SRGN: variants seen among roughly 807,000 people sequenced by gnomAD.
The protein encoded by SRGN is serglycin, also known as hematopoetic proteoglycan core peptide.
In SRGN, 2 loss-of-function variants were observed where a neutral mutation model predicts 9.5. That is an observed-to-expected ratio of 0.21 (90% CI 0.09 to 0.66). The LOEUF (loss-of-function observed/expected upper bound fraction) is 0.66, where lower values mean the gene tolerates loss of function less well. Among genes scored for constraint, SRGN ranks in the 30% least tolerant of loss-of-function variants. SRGN has a pLI of 0.83. For missense variants in SRGN, 170 were observed against 192.4 expected (o/e 0.88, Z 0.69); for synonymous variants, 59 against 72.3 (o/e 0.82, Z 0.93).
chr10:69,091,350 G>T (rs2855024), intron 1 of SRGN, among the ~76,000 whole-genome samples: 1 of 152,036 alleles, frequency 6.6e-6, no homozygotes, highest in Non-Finnish European at 1.5e-5. Flanking sequence ...TTGCTATAAC[G>T]TTTCCCACTG....
rs1331012527 is a variant in SRGN at position 69,104,333 on chromosome 10, A to AT, written c.*219dup. The AT allele has an allele frequency of 6.6e-6, 3 of 456,920 alleles. No individual in the cohort carries two copies. Among genetic ancestry groups the AT allele is most frequent in the African/African-American group, 6.1e-5 (3 of 49,048 alleles). 28.3% of individuals were successfully genotyped at this position (456,920 alleles called of 1,614,324 possible). A position where few individuals can be genotyped will look rare whatever the true frequency, so the allele number is the denominator to read the frequency against. On this transcript the variant is annotated 3_prime_UTR_variant, in exon 3 of 3. Coordinates refer to ENST00000242465, the MANE Select transcript of SRGN (RefSeq NM_002727.4). ...TTTTATTGTTCTTGAAAATACCTGC[A>AT]TTTTTTGGTATCATGTTCAACCAAC...
chr10:69,097,055 C>T (rs200091537), intron 1 of SRGN, 29 bp from the exon 2 acceptor site: 33 of 1,610,042 alleles, frequency 2.0e-5, no homozygotes, highest in African/African-American at 2.7e-5. Context: ...GTAGTAGATA[C>T]TTAGTAACAA....
chr10:69,091,120 T>C (rs1051441207), intron 1 of SRGN, among the ~76,000 whole-genome samples: 26 of 152,160 alleles, frequency 1.7e-4, no homozygotes, highest in East Asian at 1.9e-4. Flanking sequence ...TAGCACCAAT[T>C]ATAGAGGAGA....
intron 1 of SRGN, among the ~76,000 whole-genome samples, chr10:69,094,940 G>A (rs1200674470): frequency 6.7e-6 from 1 of 150,324 alleles, no homozygotes; most frequent in African/African-American, 2.4e-5. Flanking sequence ...AAAAGTTTTT[G>A]CCTACCCGCC....
intron 1 of SRGN, 95 bp from the exon 2 acceptor site, chr10:69,096,989 G>A: frequency 7.4e-7 from 1 of 1,352,532 alleles, no homozygotes; most frequent in South Asian, 1.5e-5. Flanking sequence ...CTGAGACCCT[G>A]TCTCGAAAAA....
Position 69,088,186 on chromosome 10 carries a change from G to A in SRGN, c.29G>A (p.Arg10Gln), listed in dbSNP as rs755568780. 1.8e-5 allele frequency: 29 copies of A among 1,614,056 alleles called. No homozygotes were observed. The East Asian group carries it at 3.3e-4, about 19-fold the overall frequency. Residue 10 changes from arginine (R) to glutamine (Q), a missense_variant, in exon 1 of 3, where the codon CGG becomes CAG. Physicochemically the swap from Arg to Gln is conservative, Grantham distance 43. Coordinates refer to ENST00000242465, the MANE Select transcript of SRGN (RefSeq NM_002727.4). ...ATGCAGAAGCTACTCAAATGCAGTC[G>A]GCTTGTCCTGGCTCTTGCCCTCATC... MMQKLLKCSRLVLALALILV... is the reference protein window; with the variant it reads MMQKLLKCSQLVLALALILV...
chr10:69,088,236 G>C lies in SRGN; in HGVS notation c.79G>C (p.Gly27Arg). The C allele has an allele frequency of 6.2e-7, 1 of 1,613,950 alleles. No homozygotes were observed. Among genetic ancestry groups the C allele is most frequent in the Non-Finnish European group, 8.5e-7 (1 of 1,179,862 alleles). The change falls in exon 1 of 3, where the codon GGT becomes CGT. Residue 27 changes from glycine (G) to arginine (R), a missense_variant and splice_region_variant. By Grantham distance (125) the Gly-to-Arg change is moderately radical (BLOSUM62 -2). Transcript: ENST00000242465. Reference protein sequence around the residue: ...LILVLESSVQGYPTRRARYQW... With the variant: ...LILVLESSVQRYPTRRARYQW... ...CCTGGTTCTGGAATCCTCAGTTCAA[G>C]GTAAGACTCAGGAGTCTTGTTCCCC...
chr10:69,087,823 C>G (rs187186644), upstream of SRGN, among the ~76,000 whole-genome samples: 9 of 151,896 alleles, frequency 5.9e-5, no homozygotes, highest in East Asian at 1.7e-3. Flanking sequence ...AAAGGAAAAA[C>G]AAACTGTCCC....
rs146519017 is a variant in SRGN, at chr10:69,102,509, G to A, written c.228-1362G>A. ...TATTCAACAAATATTTATTGAATGC[G>A]TACATGAATTAAAACTCTAATTGGT... On this transcript the variant is annotated intron_variant, in intron 2 of 2. Coordinates refer to ENST00000242465, the MANE Select transcript of SRGN (RefSeq NM_002727.4). 3.4e-3 allele frequency among the ~76,000 whole-genome samples: 525 copies of A among 152,260 alleles called. 2 individuals carry two copies. Among genetic ancestry groups the A allele is most frequent in the African/African-American group, 0.012 (482 of 41,540 alleles).
chr10:69,091,909 G>GAA (rs1208815472), intron 1 of SRGN, among the ~76,000 whole-genome samples: 1 of 62,024 alleles, frequency 1.6e-5, no homozygotes, highest in Admixed American at 2.3e-4. Context: ...AAAAAAAAAA[G>GAA]AAAAAGAAAA....
At chr10:69,103,648 T>G (rs1409032893) in intron 2 of SRGN, among the ~76,000 whole-genome samples, 1 of 152,204 alleles carries the variant, frequency 6.6e-6, no homozygotes, top group East Asian at 1.9e-4. Context: ...AATAGGTAGA[T>G]GTGAAGTTGA....
chr10:69,096,020 G>T (rs993423839), intron 1 of SRGN, among the ~76,000 whole-genome samples: 1 of 152,230 alleles, frequency 6.6e-6, no homozygotes, highest in Non-Finnish European at 1.5e-5. Context: ...CTGAGACTCA[G>T]ATATTCCAAG....
At chr10:69,088,318 CATAGAATGT>C in intron 1 of SRGN, 82 bp downstream of exon 1, 1 of 1,204,320 alleles carries the variant, frequency 8.3e-7, no homozygotes, top group South Asian at 1.2e-5. Context: ...CATTTTAAGG[CATAGAATGT>C]ATAATATTGT....
intron 2 of SRGN, 32 bp downstream of exon 2, chr10:69,097,263 A>C (rs372155189): frequency 4.5e-6 from 7 of 1,561,790 alleles, no homozygotes; most frequent in South Asian, 2.3e-5. Flanking sequence ...TAATTAATTA[A>C]TTACTTATTT....
intron 1 of SRGN, 133 bp from the exon 2 acceptor site, chr10:69,096,951 A>C: frequency 1.3e-6 from 1 of 785,200 alleles, no homozygotes; most frequent in South Asian, 2.3e-5. Flanking sequence ...CTATGATCAC[A>C]GTACTGCACT....
At position 69,096,713 on chromosome 10, in the gene SRGN, T is replaced by C. The variant is rs74233636; in HGVS notation, c.80-371T>C. On this transcript the variant is annotated intron_variant, in intron 1 of 2. Coordinates refer to ENST00000242465, the MANE Select transcript of SRGN (RefSeq NM_002727.4). ...AGGGCGGGTGGGGTGCAGTTGCTCA[T>C]TCCTGTAATCTCAGCACACTGGGAG... is the stretch of plus-strand genomic sequence containing the variant. Among the ~76,000 whole-genome samples, 31 of 152,282 alleles carry C rather than the reference T, an allele frequency of 2.0e-4. No individual in the cohort carries two copies. The East Asian group carries it at 5.2e-3, about 26-fold the overall frequency.
chr10:69,091,002 C>T (rs1238056415), intron 1 of SRGN, among the ~76,000 whole-genome samples: 1 of 152,198 alleles, frequency 6.6e-6, no homozygotes, highest in Non-Finnish European at 1.5e-5. Context: ...TGTATACTGT[C>T]TCCTAGCTCA....
chr10:69,089,166 C>T (rs138622429), intron 1 of SRGN, among the ~76,000 whole-genome samples: 14 of 152,212 alleles, frequency 9.2e-5, no homozygotes, highest in African/African-American at 2.9e-4. Context: ...ATCTTACTTC[C>T]GGTGGAGATG....
rs1840068763 is a variant in SRGN at position 69,091,909 on chromosome 10, GAAAAAGAAAAGAAAAGAAAAA to G, written c.79+3683_79+3703del. 1.5e-4 allele frequency among the ~76,000 whole-genome samples: 9 copies of G among 62,068 alleles called. No homozygotes were observed. The South Asian group carries it at 5.6e-3, about 38-fold the overall frequency. 40.7% of individuals were successfully genotyped at this position (62,068 alleles called of 152,430 possible). On this transcript the variant is annotated intron_variant, in intron 1 of 2. Transcript: ENST00000242465. ...AAAAAAAAAAAAAAAAAAAAAAAAA[GAAAAAGAAAAGAAAAGAAAAA>G]AAAAAGAAATTAGTATATTGTGATT...
Sources: gnomAD v4.1 joint callset for allele counts (sites outside exome capture counted in the v4.1 genomes callset) on GRCh38, gnomAD v4.1.1 for gene constraint, MANE v1.5 for transcripts, NCBI Gene and HGNC (gene_info 2026-07-23, HGNC 2026-07-21) for gene names.